CCBE1: variants seen among roughly 807,000 people sequenced by gnomAD.
The protein encoded by CCBE1 is collagen and calcium binding EGF domains 1, also known as collagen and calcium-binding EGF domain-containing protein 1.
A neutral mutation model predicts 50.0 loss-of-function variants in CCBE1; 37 were observed. That is an observed-to-expected ratio of 0.74 (90% confidence interval 0.57 to 0.97). The LOEUF (loss-of-function observed/expected upper bound fraction) is 0.97. Ranked by LOEUF, CCBE1 falls within the 50% of genes least tolerant of loss-of-function variation. The pLI, the probability that CCBE1 is intolerant of heterozygous loss-of-function variation, is 0.00. For synonymous variants in CCBE1, 234 were observed against 203.7 expected (o/e 1.15, Z -1.27); for missense variants, 538 against 523.8 (o/e 1.03, Z -0.26).
intron 2 of CCBE1, among the ~76,000 whole-genome samples, chr18:59,607,757 G>A (rs1447721345): frequency 6.6e-6 from 1 of 152,118 alleles, no homozygotes; most frequent in Non-Finnish European, 1.5e-5. Context: ...CAAACCCCAG[G>A]TTCTGGATTT....
intron 2 of CCBE1, among the ~76,000 whole-genome samples, chr18:59,525,773 G>A (rs1403629451): frequency 6.6e-6 from 1 of 152,152 alleles, no homozygotes; most frequent in Non-Finnish European, 1.5e-5. Flanking sequence ...TTTGTTTAAG[G>A]TGTAATGAAG....
At chr18:59,499,847 T>C (rs1316851056) in intron 2 of CCBE1, among the ~76,000 whole-genome samples, 2 of 152,090 alleles carry the variant, frequency 1.3e-5, no homozygotes, top group Non-Finnish European at 2.9e-5. Context: ...AGCCTGTTTG[T>C]GTGTGGTGGT....
chr18:59,580,295 G>A (rs909488447), intron 2 of CCBE1, among the ~76,000 whole-genome samples: 27 of 152,102 alleles, frequency 1.8e-4, no homozygotes, highest in African/African-American at 6.5e-4. Context: ...TAATAACCTG[G>A]AAGCCCCCTC....
At chr18:59,597,879 T>C (rs2053377281) in intron 2 of CCBE1, among the ~76,000 whole-genome samples, 1 of 152,156 alleles carries the variant, frequency 6.6e-6, no homozygotes, top group Admixed American at 6.6e-5. Context: ...TTCCAAAATA[T>C]TTGAGGATAC....
chr18:59,657,809 C>G (rs999053615), intron 2 of CCBE1, among the ~76,000 whole-genome samples: 1 of 152,064 alleles, frequency 6.6e-6, no homozygotes, highest in Non-Finnish European at 1.5e-5. Flanking sequence ...AGAAATCGCT[C>G]GAACCCGGGA....
chr18:59,495,486 G>A (rs868391008), intron 2 of CCBE1, among the ~76,000 whole-genome samples: 1 of 148,622 alleles, frequency 6.7e-6, no homozygotes, highest in East Asian at 2.0e-4. Flanking sequence ...TGGCATCCTT[G>A]ACATCACTTC....
At chr18:59,574,727 T>C (rs943670700) in intron 2 of CCBE1, among the ~76,000 whole-genome samples, 49 of 152,326 alleles carry the variant, frequency 3.2e-4, no homozygotes, top group African/African-American at 1.2e-3. Flanking sequence ...ACATAGGTCT[T>C]GTGGCATCCA....
chr18:59,661,524 A>G (rs925486899), intron 2 of CCBE1, among the ~76,000 whole-genome samples: 7 of 151,916 alleles, frequency 4.6e-5, no homozygotes, highest in African/African-American at 1.7e-4. Flanking sequence ...GTTTTATTCT[A>G]GAAGGTAACC....
At chr18:59,578,691 G>A (rs8090434) in intron 2 of CCBE1, among the ~76,000 whole-genome samples, 1,652 of 146,050 alleles carry the variant, frequency 0.011, 39 homozygotes, top group African/African-American at 0.042. Flanking sequence ...ACTGACACAG[G>A]AACAGAAAAC....
At chr18:59,685,260 C>A (rs954291283) in intron 2 of CCBE1, among the ~76,000 whole-genome samples, 7 of 152,030 alleles carry the variant, frequency 4.6e-5, no homozygotes, top group African/African-American at 1.7e-4. Context: ...CTTAAGAAAC[C>A]AAGAACTCAT....
At chr18:59,559,789 A>G (rs1314214748) in intron 2 of CCBE1, among the ~76,000 whole-genome samples, 1 of 152,208 alleles carries the variant, frequency 6.6e-6, no homozygotes, top group African/African-American at 2.4e-5. Context: ...GGCATCAGCC[A>G]TTTAGTTCTC....
intron 2 of CCBE1, among the ~76,000 whole-genome samples, chr18:59,576,823 C>T (rs565020550): frequency 2.0e-5 from 3 of 152,304 alleles, no homozygotes; most frequent in African/African-American, 7.2e-5. Context: ...TCAGACTGTG[C>T]CTTTCCCTAA....
chr18:59,691,836 AG>A (rs2054737623), intron 2 of CCBE1, among the ~76,000 whole-genome samples: 1 of 152,152 alleles, frequency 6.6e-6, no homozygotes, highest in Non-Finnish European at 1.5e-5. Flanking sequence ...AGCAGAGGAG[AG>A]AGAAATCAGA....
intron 2 of CCBE1, among the ~76,000 whole-genome samples, chr18:59,524,998 C>A (rs1248610899): frequency 6.6e-6 from 1 of 152,070 alleles, no homozygotes; most frequent in Non-Finnish European, 1.5e-5. Flanking sequence ...AGGGTTGATT[C>A]TGTGTCTTTG....
At chr18:59,688,138 G>C (rs1313556946) in intron 2 of CCBE1, 2 of 152,022 alleles carry the variant, frequency 1.3e-5, no homozygotes, top group Non-Finnish European at 1.5e-5. Flanking sequence ...GCTATCATTT[G>C]ATCTTTGAAT....
At chr18:59,539,459 G>A (rs1301230230) in intron 2 of CCBE1, among the ~76,000 whole-genome samples, 1 of 152,172 alleles carries the variant, frequency 6.6e-6, no homozygotes, top group Non-Finnish European at 1.5e-5. Context: ...CTATGGTTCA[G>A]CTGACACCTG....
chr18:59,459,484 G>A (rs1293139579), intron 5 of CCBE1, among the ~76,000 whole-genome samples: 1 of 152,176 alleles, frequency 6.6e-6, no homozygotes, highest in African/African-American at 2.4e-5. Context: ...AAAAGCCTAG[G>A]ATGGTATCAC....
intron 2 of CCBE1, among the ~76,000 whole-genome samples, chr18:59,672,990 C>CA (rs1041074799): frequency 9.9e-5 from 15 of 151,704 alleles, no homozygotes; most frequent in African/African-American, 3.4e-4. Context: ...ACCTGTTCCC[C>CA]AAAAACCTAT....
At chr18:59,467,560 C>T (rs1305134353) in intron 4 of CCBE1, among the ~76,000 whole-genome samples, 1 of 152,194 alleles carries the variant, frequency 6.6e-6, no homozygotes, top group Non-Finnish European at 1.5e-5. Context: ...GACCATCAAA[C>T]AAGTCCCCAT....
Sources: allele counts gnomAD v4.1 joint callset (sites outside exome capture counted in the v4.1 genomes callset), GRCh38; gene constraint gnomAD v4.1.1; transcripts MANE v1.5; gene names NCBI Gene and HGNC (gene_info 2026-07-23, HGNC 2026-07-21).